LPCAT2: variants seen among roughly 807,000 people sequenced by gnomAD.
LPCAT2 encodes the protein lysophosphatidylcholine acyltransferase 2.
Under a neutral mutation model 64.7 loss-of-function variants are expected in LPCAT2, and 58 were observed. The ratio of observed to expected loss-of-function variants is 0.90; its 90% CI spans 0.73 to 1.12. The LOEUF (loss-of-function observed/expected upper bound fraction) is 1.12, where lower values mean the gene tolerates loss of function less well. Among genes scored for constraint, LPCAT2 ranks in the 50% most tolerant of loss-of-function variants. The pLI is 0.00. For synonymous variants in LPCAT2, 252 were observed against 245.3 expected (o/e 1.03, Z -0.26); for missense variants, 579 against 669.8 (o/e 0.86, Z 1.50).
intron 7 of LPCAT2, among the ~76,000 whole-genome samples, chr16:55,534,861 C>T (rs1360245503): frequency 1.3e-5 from 2 of 152,062 alleles, no homozygotes; most frequent in Non-Finnish European, 2.9e-5. Context: ...TTAAGCCATT[C>T]AGAAAAATTT....
intron 12 of LPCAT2, among the ~76,000 whole-genome samples, chr16:55,577,569 AAGTGATTTGAACACTTTTGATCAGTG>A (rs1963841692): frequency 1.3e-5 from 2 of 152,270 alleles, no homozygotes; most frequent in South Asian, 4.1e-4. Context: ...AGTACATGTA[AAGTGATTTGAACACTTTTGATCAGTG>A]CTTATAAAAA....
intron 9 of LPCAT2, among the ~76,000 whole-genome samples, chr16:55,546,612 T>A (rs1365795437): frequency 1.3e-5 from 2 of 152,254 alleles, no homozygotes; most frequent in African/African-American, 4.8e-5. Flanking sequence ...TATATGTATG[T>A]GTCTCTATAA....
intron 4 of LPCAT2, among the ~76,000 whole-genome samples, chr16:55,530,669 G>GTACTT (rs1963241522): frequency 6.6e-6 from 1 of 152,060 alleles, no homozygotes; most frequent in Non-Finnish European, 1.5e-5. Flanking sequence ...GACCAAACAG[G>GTACTT]TTGTTTTAGA....
At chr16:55,577,856 C>A (rs74021226) in intron 12 of LPCAT2, among the ~76,000 whole-genome samples, 1 of 152,062 alleles carries the variant, frequency 6.6e-6, no homozygotes, top group African/African-American at 2.4e-5. Flanking sequence ...GTCCATATTT[C>A]TTGCCTCTGC....
At chr16:55,521,751 A>C (rs1200979765) in intron 1 of LPCAT2, among the ~76,000 whole-genome samples, 1 of 151,734 alleles carries the variant, frequency 6.6e-6, no homozygotes, top group Non-Finnish European at 1.5e-5. Context: ...TGATCATCTC[A>C]ATAGATGCAG....
intron 9 of LPCAT2, among the ~76,000 whole-genome samples, chr16:55,547,518 T>C (rs1254351624): frequency 1.3e-5 from 2 of 152,196 alleles, no homozygotes; most frequent in East Asian, 1.9e-4. Flanking sequence ...AACTCTATGA[T>C]ATAAGTAAGA....
chr16:55,582,863 C>A, intron 13 of LPCAT2, 51 bp from the exon 14 acceptor site: 2 of 1,247,082 alleles, frequency 1.6e-6, no homozygotes, highest in South Asian at 1.4e-5. Context: ...CTGCATCATG[C>A]CAAAAGAAGA....
At chr16:55,555,770 A>G (rs139123273) in intron 11 of LPCAT2, among the ~76,000 whole-genome samples, 77 of 152,306 alleles carry the variant, frequency 5.1e-4, no homozygotes, top group African/African-American at 1.8e-3. Flanking sequence ...CAGTACTACT[A>G]TAAAGTGCAA....
At chr16:55,518,064 A>G (rs1223390195) in intron 1 of LPCAT2, among the ~76,000 whole-genome samples, 5 of 152,300 alleles carry the variant, frequency 3.3e-5, no homozygotes, top group Admixed American at 3.3e-4. Flanking sequence ...AATGCACAAA[A>G]ACACTTGGAG....
At chr16:55,572,951 CA>C (rs1963787266) in intron 11 of LPCAT2, among the ~76,000 whole-genome samples, 1 of 152,040 alleles carries the variant, frequency 6.6e-6, no homozygotes, top group Non-Finnish European at 1.5e-5. Flanking sequence ...AAACAAAAAA[CA>C]AAACAAAACA....
At chr16:55,534,066 ATAT>A (rs542542339) in intron 6 of LPCAT2, among the ~76,000 whole-genome samples, 1 of 152,250 alleles carries the variant, frequency 6.6e-6, no homozygotes, top group South Asian at 2.1e-4. Flanking sequence ...TTGTATGTTC[ATAT>A]TATTTTATTT....
chr16:55,527,490 A>AC (rs1963187505), intron 2 of LPCAT2, among the ~76,000 whole-genome samples: 1 of 151,826 alleles, frequency 6.6e-6, no homozygotes, highest in African/African-American at 2.4e-5. Flanking sequence ...AAAAAAAAAA[A>AC]AAAAAAAGCT....
Position 55,509,251 on chromosome 16 carries a change from C to T in LPCAT2, c.70C>T (p.Leu24=). 6.7e-7 allele frequency: 1 copy of T among 1,493,580 alleles called. No individual in the cohort carries two copies. The highest frequency in any genetic ancestry group is 2.7e-5 in the East Asian group (1 of 36,958). 92.5% of individuals were successfully genotyped at this position (1,493,580 alleles called of 1,614,324 possible). A position where few individuals can be genotyped will look rare whatever the true frequency, so the allele number is the denominator to read the frequency against. ...VPGAGVGNVG[L]RPPMVPRQAS... ...AGGTGCCGGCGTCGGGAACGTGGGG[C>T]TGCGGCCGCCCATGGTGCCCCGTCA... Residue 24 remains leucine, a synonymous_variant, in exon 1 of 14, where the codon CTG becomes TTG. Coordinates refer to ENST00000262134, the MANE Select transcript of LPCAT2 (RefSeq NM_017839.5).
chr16:55,516,930 G>A (rs548379433), intron 1 of LPCAT2, among the ~76,000 whole-genome samples: 2 of 152,250 alleles, frequency 1.3e-5, no homozygotes, highest in African/African-American at 4.8e-5. Flanking sequence ...ATAATACAAA[G>A]TATGTTCTCT....
chr16:55,557,832 T>C (rs1963594733), intron 11 of LPCAT2, among the ~76,000 whole-genome samples: 1 of 152,190 alleles, frequency 6.6e-6, no homozygotes. Flanking sequence ...ATAATGGTTT[T>C]TGTCTCAATT....
intron 11 of LPCAT2, among the ~76,000 whole-genome samples, chr16:55,569,977 T>G (rs1963751224): frequency 6.6e-6 from 1 of 152,234 alleles, no homozygotes; most frequent in Admixed American, 6.5e-5. Flanking sequence ...AAGATTTATA[T>G]AATTCATATA....
At chr16:55,563,008 G>A (rs532776877) in intron 11 of LPCAT2, among the ~76,000 whole-genome samples, 1 of 151,760 alleles carries the variant, frequency 6.6e-6, no homozygotes, top group East Asian at 1.9e-4. Flanking sequence ...TGTTGAGGGG[G>A]GAAAAAGCTA....
intron 11 of LPCAT2, among the ~76,000 whole-genome samples, chr16:55,569,414 A>G (rs1963745340): frequency 3.3e-5 from 5 of 152,206 alleles, no homozygotes; most frequent in Admixed American, 3.3e-4. Context: ...AAGTCCAGGA[A>G]TATGTTAGGC....
chr16:55,567,124 C>T, intron 11 of LPCAT2: 1 of 1,613,812 alleles, frequency 6.2e-7, no homozygotes, highest in Non-Finnish European at 8.5e-7. Flanking sequence ...AGTCTTGACA[C>T]CTGCCGGAGC....
Sources: gnomAD v4.1 joint callset for allele counts (sites outside exome capture counted in the v4.1 genomes callset) on GRCh38, gnomAD v4.1.1 for gene constraint, MANE v1.5 for transcripts, NCBI Gene and HGNC (gene_info 2026-07-23, HGNC 2026-07-21) for gene names.